Variants in TRIM61 observed in about 807,000 individuals in gnomAD.
TRIM61 encodes putative tripartite motif-containing protein 61.
In TRIM61, 1 loss-of-function variant was observed where a neutral mutation model predicts 14.2. The ratio of observed to expected loss-of-function variants is 0.07; its 90% CI spans 0.03 to 0.33. The LOEUF (loss-of-function observed/expected upper bound fraction) is 0.33, where lower values mean the gene tolerates loss of function less well. TRIM61 is among the 10% of genes least tolerant of loss of function. The probability of loss-of-function intolerance (pLI) is 0.99; values close to 1 mark genes in which losing one functional copy is unlikely to be tolerated. For missense variants in TRIM61, 19 were observed against 202.2 expected (o/e 0.09, Z 5.49); for synonymous variants, 8 against 71.6 (o/e 0.11, Z 4.49).
intron 3 of TRIM61, among the ~76,000 whole-genome samples, chr4:164,961,075 G>GAAC (rs1732121967): frequency 7.4e-6 from 1 of 135,888 alleles, no homozygotes. Flanking sequence ...GACAATGTAA[G>GAAC]AGGACAATAA....
intron 3 of TRIM61, among the ~76,000 whole-genome samples, chr4:164,962,415 G>GTGTGTA (rs1033110173): frequency 6.8e-6 from 1 of 146,074 alleles, no homozygotes; most frequent in Non-Finnish European, 1.5e-5. Context: ...GTGTGTGTGT[G>GTGTGTA]TGTATTTTTA....
chr4:164,957,535 T>G lies in TRIM61; in HGVS notation c.526-2439A>C, dbSNP rs763346919. 4 of 1,553,264 alleles carry G rather than the reference T, an allele frequency of 2.6e-6. No homozygotes were observed. In the African/African-American group the frequency reaches 5.5e-5, roughly 21 times the overall value. Reference sequence around the variant, plus strand: ...AAGGAAGAAGCTCACAGGGGACATCTGACATCTGAAACAGCAAGTGTAAAA... The same window carrying G: ...AAGGAAGAAGCTCACAGGGGACATCGGACATCTGAAACAGCAAGTGTAAAA... On this transcript the variant is annotated intron_variant, in intron 3 of 4. Coordinates refer to ENST00000329314, the MANE Select transcript of TRIM61 (RefSeq NM_001012414.3).
intron 2 of TRIM61, among the ~76,000 whole-genome samples, chr4:164,971,878 CTCT>C (rs765895747): frequency 1.3e-5 from 2 of 152,156 alleles, no homozygotes; most frequent in African/African-American, 2.4e-5. Flanking sequence ...ACTTTCTTAA[CTCT>C]TCTTCTTCCT....
Position 164,977,580 on chromosome 4 carries a change from C to G in TRIM61, c.-525G>C, listed in dbSNP as rs765960364. The G allele has an allele frequency of 6.6e-6, 1 of 152,232 alleles. No individual in the cohort carries two copies. The highest frequency in any genetic ancestry group is 2.1e-4 in the South Asian group (1 of 4,826). The allele number at this position is 152,232 out of a possible 1,614,324, so 9.4% of individuals were successfully genotyped here. ...CGGCCAAAGAATACTCAGGACCCAC[C>G]GAGCCCCCGCGAGGAAGGACTCATA... On this transcript the variant is annotated 5_prime_UTR_variant, in exon 1 of 5. Transcript: ENST00000329314.
intron 2 of TRIM61, among the ~76,000 whole-genome samples, chr4:164,973,770 T>A (rs1732422883): frequency 6.6e-6 from 1 of 152,134 alleles, no homozygotes; most frequent in Admixed American, 6.6e-5. Context: ...TCTCAAGAGG[T>A]CATACAAATT....
chr4:164,961,948 C>G (rs1178932227), intron 3 of TRIM61, among the ~76,000 whole-genome samples: 2 of 152,166 alleles, frequency 1.3e-5, no homozygotes, highest in African/African-American at 4.8e-5. Flanking sequence ...CTGTAAGCTA[C>G]ATAGTACAGC....
intron 2 of TRIM61, among the ~76,000 whole-genome samples, chr4:164,975,371 G>A (rs1341333046): frequency 3.3e-5 from 5 of 152,186 alleles, no homozygotes; most frequent in East Asian, 1.9e-4. Flanking sequence ...AGTGCAAAGT[G>A]CAGGGAAAAG....
At chr4:164,967,137 T>A (rs1732260263) in intron 3 of TRIM61, among the ~76,000 whole-genome samples, 1 of 152,120 alleles carries the variant, frequency 6.6e-6, no homozygotes. Flanking sequence ...CAACTAGAAT[T>A]GAAATAATCA....
intron 2 of TRIM61, among the ~76,000 whole-genome samples, chr4:164,974,210 G>A (rs1055018794): frequency 6.6e-6 from 1 of 152,180 alleles, no homozygotes; most frequent in African/African-American, 2.4e-5. Context: ...AAGCTGTTAT[G>A]GCTTATAAGG....
At chr4:164,977,230 CT>C (rs1361384695) in intron 1 of TRIM61, among the ~76,000 whole-genome samples, 1 of 152,176 alleles carries the variant, frequency 6.6e-6, no homozygotes, top group African/African-American at 2.4e-5. Context: ...ACTTCGCTCC[CT>C]TAACTCCCCA....
At position 164,964,036 on chromosome 4, in the gene TRIM61, T is replaced by C. The variant is rs537498713; in HGVS notation, c.525+5442A>G. On this transcript the variant is annotated intron_variant, in intron 3 of 4. Transcript: ENST00000329314. ...AGAAAAAAATCTAAAATCAGTAACT[T>C]AACCCTTTACCTTAAGAAACTAGAG... 1.2e-3 allele frequency among the ~76,000 whole-genome samples: 188 copies of C among 152,060 alleles called. 1 individual carries two copies. Among genetic ancestry groups the C allele is most frequent in the African/African-American group, 4.3e-3 (179 of 41,520 alleles).
At chr4:164,977,029 T>G (rs926425215) in intron 1 of TRIM61, among the ~76,000 whole-genome samples, 1 of 152,266 alleles carries the variant, frequency 6.6e-6, no homozygotes, top group South Asian at 2.1e-4. Context: ...AAACCTGTGG[T>G]AGATTCCAAG....
intron 2 of TRIM61, among the ~76,000 whole-genome samples, chr4:164,972,009 A>T (rs1732378710): frequency 6.6e-6 from 1 of 152,228 alleles, no homozygotes; most frequent in Admixed American, 6.5e-5. Flanking sequence ...TTCTCTTTAG[A>T]CTAGCAGAAT....
intron 3 of TRIM61, among the ~76,000 whole-genome samples, chr4:164,964,125 T>G (rs1732190368): frequency 1.3e-5 from 2 of 151,534 alleles, no homozygotes; most frequent in Admixed American, 6.6e-5. Flanking sequence ...CGAGGCGGGC[T>G]GATCACGAGG....
At chr4:164,964,192 A>G (rs192260397) in intron 3 of TRIM61, among the ~76,000 whole-genome samples, 38 of 151,942 alleles carry the variant, frequency 2.5e-4, no homozygotes, top group African/African-American at 7.0e-4. Flanking sequence ...TATTAAAAAT[A>G]CAAAAATTCG....
intron 3 of TRIM61, chr4:164,957,642 AG>A: frequency 1.1e-6 from 1 of 952,360 alleles, no homozygotes; most frequent in South Asian, 1.9e-5. Flanking sequence ...CGAATATTAG[AG>A]GAAGAGATTA....
At chr4:164,957,101 TG>T (rs1732012009) in intron 3 of TRIM61, 3 of 1,570,268 alleles carry the variant, frequency 1.9e-6, no homozygotes, top group South Asian at 2.3e-5. Flanking sequence ...CCCTGCAGGG[TG>T]GGCTGGGCGA....
chr4:164,972,498 T>TTCTTTG (rs1732391788), intron 2 of TRIM61, among the ~76,000 whole-genome samples: 1 of 151,506 alleles, frequency 6.6e-6, no homozygotes, highest in Admixed American at 6.6e-5. Flanking sequence ...GCCTATTGCT[T>TTCTTTG]TGTGTGTGTG....
chr4:164,964,584 C>T (rs1355181008), intron 3 of TRIM61, among the ~76,000 whole-genome samples: 1 of 152,106 alleles, frequency 6.6e-6, no homozygotes, highest in Non-Finnish European at 1.5e-5. Flanking sequence ...AATGCATGCT[C>T]TTTCCACTAT....
Sources: allele counts gnomAD v4.1 joint callset (sites outside exome capture counted in the v4.1 genomes callset), GRCh38; gene constraint gnomAD v4.1.1; transcripts MANE v1.5; gene names NCBI Gene and HGNC (gene_info 2026-07-23, HGNC 2026-07-21).